PTPRN2: variants seen among roughly 807,000 people sequenced by gnomAD.
PTPRN2 encodes protein tyrosine phosphatase receptor type N2, also known as receptor-type tyrosine-protein phosphatase N2.
PTPRN2 carries 74 observed loss-of-function variants against 118.8 expected under a neutral mutation model. That is an observed-to-expected ratio of 0.62 (90% CI 0.52 to 0.76). The LOEUF (loss-of-function observed/expected upper bound fraction) is 0.76. Ranked by LOEUF, PTPRN2 falls within the 30% of genes least tolerant of loss-of-function variation. The pLI, the probability that PTPRN2 is intolerant of heterozygous loss-of-function variation, is 0.00. For synonymous variants in PTPRN2, 641 were observed against 608.0 expected (o/e 1.05, Z -0.80); for missense variants, 1,481 against 1,394.4 (o/e 1.06, Z -0.99).
chr7:157,914,189 C>T (rs1414988199), intron 11 of PTPRN2, among the ~76,000 whole-genome samples: 3 of 152,104 alleles, frequency 2.0e-5, no homozygotes, highest in Non-Finnish European at 4.4e-5. Flanking sequence ...AAGGAGGTTT[C>T]TCAATTTTGT....
In PTPRN2 at chr7:158,454,123, C is replaced by T. The variant is rs112810459; in HGVS notation, c.163+35612G>A. 2.2e-3 allele frequency among the ~76,000 whole-genome samples: 326 copies of T among 146,014 alleles called. 1 individual carries two copies. Among genetic ancestry groups the T allele is most frequent in the African/African-American group, 7.8e-3 (302 of 38,864 alleles). On this transcript the variant is annotated intron_variant, in intron 2 of 22. Transcript: ENST00000389418. ...GCTATGGAGGACAGACAAGACACAA[C>T]GCACACAATCACCGATGTCAGGATT...
At chr7:157,791,934 T>C (rs111706397) in intron 12 of PTPRN2, among the ~76,000 whole-genome samples, 86 of 152,214 alleles carry the variant, frequency 5.6e-4, no homozygotes, top group African/African-American at 2.0e-3. Context: ...GTACGGAAAA[T>C]ATGTGCGGCT....
chr7:158,431,740 CCA>C (rs924665487), intron 2 of PTPRN2, among the ~76,000 whole-genome samples: 8 of 147,992 alleles, frequency 5.4e-5, no homozygotes, highest in Non-Finnish European at 1.2e-4. Context: ...CTCACACTGG[CCA>C]CACACTGGCT....
intron 2 of PTPRN2, among the ~76,000 whole-genome samples, chr7:158,450,352 C>T (rs1818012259): frequency 6.6e-6 from 1 of 152,250 alleles, no homozygotes; most frequent in South Asian, 2.1e-4. Context: ...TGTCTTCCCA[C>T]ACACAAGGAC....
intron 2 of PTPRN2, among the ~76,000 whole-genome samples, chr7:158,429,723 A>T (rs563945880): frequency 1.3e-5 from 2 of 152,338 alleles, no homozygotes. Flanking sequence ...TTTTTCACTA[A>T]TTCATGGCTT....
chr7:157,730,955 C>A (rs1038655265), intron 12 of PTPRN2, among the ~76,000 whole-genome samples: 2 of 152,150 alleles, frequency 1.3e-5, no homozygotes, highest in Non-Finnish European at 2.9e-5. Flanking sequence ...CCACCCAATG[C>A]CCCCTCTTTT....
chr7:158,334,461 C>CCG (rs1805176944), intron 2 of PTPRN2, among the ~76,000 whole-genome samples: 2 of 28,042 alleles, frequency 7.1e-5, no homozygotes, highest in Non-Finnish European at 9.5e-5. Context: ...GAGGTGACGC[C>CCG]CATAGACGTC....
chr7:158,269,616 G>A (rs1340097328), intron 3 of PTPRN2, among the ~76,000 whole-genome samples: 1 of 152,234 alleles, frequency 6.6e-6, no homozygotes, highest in Non-Finnish European at 1.5e-5. Flanking sequence ...CTGAGCCAGA[G>A]TAGGAACAAT....
At chr7:158,417,083 G>A (rs1306268897) in intron 2 of PTPRN2, among the ~76,000 whole-genome samples, 1 of 151,856 alleles carries the variant, frequency 6.6e-6, no homozygotes, top group African/African-American at 2.4e-5. Flanking sequence ...AGCTCTCAGT[G>A]TCCCACTGTG....
Position 158,176,848 on chromosome 7 carries a change from A to G in PTPRN2, c.550-9557T>C, listed in dbSNP as rs924867227. On this transcript the variant is annotated intron_variant, in intron 5 of 22. Coordinates refer to ENST00000389418, the MANE Select transcript of PTPRN2 (RefSeq NM_002847.5). ...AATGGACATCGTGAATGTGGCATCC[A>G]ACATGTGGAGGCCACGGTCCTCATC... Among the ~76,000 whole-genome samples, 8 of 152,372 alleles carry G rather than the reference A, an allele frequency of 5.3e-5. No individual in the cohort carries two copies. In the South Asian group the frequency reaches 1.7e-3, roughly 32 times the overall value.
intron 11 of PTPRN2, among the ~76,000 whole-genome samples, chr7:157,951,680 G>A (rs1448570115): frequency 6.6e-6 from 1 of 152,246 alleles, no homozygotes; most frequent in African/African-American, 2.4e-5. Context: ...GCAGTCTTCA[G>A]GCCTCAGGCA....
Position 157,962,269 on chromosome 7 carries a change from G to A in PTPRN2, c.1724-63532C>T, listed in dbSNP as rs112994782. 3.0e-3 allele frequency among the ~76,000 whole-genome samples: 456 copies of A among 152,294 alleles called. 10 individuals are homozygous for A. The South Asian group carries it at 0.044, about 15-fold the overall frequency. ...TGTGTTTCCTGGTCGATGAAAACAC[G>A]CCGCTGCCAGCAGGATGAGATCCGA... On this transcript the variant is annotated intron_variant, in intron 11 of 22. Transcript: ENST00000389418.
At position 158,270,840 on chromosome 7, in the gene PTPRN2, C is replaced by G. The variant is rs1411205690; in HGVS notation, c.277+45979G>C. On this transcript the variant is annotated intron_variant, in intron 3 of 22. Transcript: ENST00000389418. ...CCGCCCCCTCCACCTGGATGACCCCCTCACCTGGACCGCCCCCCCACCTGG... is the reference window on the plus strand; with the variant it reads ...CCGCCCCCTCCACCTGGATGACCCCGTCACCTGGACCGCCCCCCCACCTGG... Among the ~76,000 whole-genome samples, 115 of 32,758 alleles carry G rather than the reference C, an allele frequency of 3.5e-3. 4 individuals carry two copies. Among genetic ancestry groups the G allele is most frequent in the Middle Eastern group, 0.018 (1 of 56 alleles). 21.5% of individuals were successfully genotyped at this position (32,758 alleles called of 152,430 possible).
chr7:157,649,694 A>T (rs1204458890), intron 14 of PTPRN2, among the ~76,000 whole-genome samples: 2 of 139,006 alleles, frequency 1.4e-5, no homozygotes, highest in African/African-American at 5.4e-5. Context: ...GGTCGGACCC[A>T]TTCACTGTGC....
chr7:157,840,272 CGTGTGACT>C lies in PTPRN2; in HGVS notation c.1788+58393_1788+58400del, dbSNP rs1306156319. 7.2e-3 allele frequency among the ~76,000 whole-genome samples: 738 copies of C among 102,712 alleles called. 3 individuals carry two copies. Among genetic ancestry groups the C allele is most frequent in the Non-Finnish European group, 0.01 (541 of 52,248 alleles). 67.4% of individuals were successfully genotyped at this position (102,712 alleles called of 152,430 possible). A position where few individuals can be genotyped will look rare whatever the true frequency, so the allele number is the denominator to read the frequency against. On this transcript the variant is annotated intron_variant, in intron 12 of 22. Transcript: ENST00000389418. ...GTAACCGCGTGTGACTGTGTGGCCGCGTGTGACTGTGTGACCGTGTGACTGTGTGACTG... is the reference window on the plus strand; with the variant it reads ...GTAACCGCGTGTGACTGTGTGGCCGCGTGTGACCGTGTGACTGTGTGACTG...
chr7:157,926,836 C>G (rs985734024), intron 11 of PTPRN2, among the ~76,000 whole-genome samples: 15 of 152,218 alleles, frequency 9.9e-5, no homozygotes, highest in African/African-American at 3.4e-4. Flanking sequence ...AGAGTCGCCT[C>G]CCCCTGCATC....
intron 14 of PTPRN2, among the ~76,000 whole-genome samples, chr7:157,650,820 T>G (rs1431956819): frequency 6.6e-6 from 1 of 152,232 alleles, no homozygotes; most frequent in East Asian, 1.9e-4. Flanking sequence ...CAGGGACATC[T>G]GGCATGGTTT....
chr7:157,593,351 T>C (rs1334807337), intron 17 of PTPRN2, among the ~76,000 whole-genome samples: 1 of 152,074 alleles, frequency 6.6e-6, no homozygotes, highest in Non-Finnish European at 1.5e-5. Flanking sequence ...TCATTGAGTG[T>C]GGATGCCCTC....
chr7:157,650,821 G>C (rs778684298), intron 14 of PTPRN2, among the ~76,000 whole-genome samples: 30 of 152,356 alleles, frequency 2.0e-4, no homozygotes, highest in Non-Finnish European at 3.2e-4. Context: ...AGGGACATCT[G>C]GCATGGTTTC....
Sources: gnomAD v4.1 joint callset for allele counts (sites outside exome capture counted in the v4.1 genomes callset) on GRCh38, gnomAD v4.1.1 for gene constraint, MANE v1.5 for transcripts, NCBI Gene and HGNC (gene_info 2026-07-23, HGNC 2026-07-21) for gene names.